Variants in TAFA2 observed in about 807,000 individuals in gnomAD.
The protein encoded by TAFA2 is TAFA chemokine like family member 2.
TAFA2 carries 7 observed loss-of-function variants against 18.8 expected under a neutral mutation model. The ratio of observed to expected loss-of-function variants is 0.37; its 90% CI spans 0.21 to 0.70. The LOEUF is 0.70. Among genes scored for constraint, TAFA2 ranks in the 30% least tolerant of loss-of-function variants. The pLI is 0.53. For synonymous variants in TAFA2, 60 were observed against 54.2 expected, an observed-to-expected ratio of 1.11 and a Z score of -0.47; for missense variants, 122 against 158.1, an observed-to-expected ratio of 0.77 and a Z score of 1.23.
chr12:61,817,364 T>G (rs1453906516), intron 2 of TAFA2, among the ~76,000 whole-genome samples: 1 of 152,150 alleles, frequency 6.6e-6, no homozygotes, highest in Non-Finnish European at 1.5e-5. Context: ...ATAGTTATTA[T>G]TATTATAGTG....
intron 1 of TAFA2, among the ~76,000 whole-genome samples, chr12:62,023,052 A>AG (rs1881197505): frequency 6.6e-6 from 1 of 152,244 alleles, no homozygotes; most frequent in Non-Finnish European, 1.5e-5. Flanking sequence ...GGTAAGAGAG[A>AG]GAAAAAGACA....
chr12:62,041,094 T>A lies in TAFA2; in HGVS notation c.-2+150165A>T, dbSNP rs1881745274. Among the ~76,000 whole-genome samples, 3 of 152,306 alleles carry A rather than the reference T, an allele frequency of 2.0e-5. 1 individual carries two copies. The South Asian group carries it at 6.2e-4, about 32-fold the overall frequency. ...CTGATGAGGTAGGCAGTATCTATAT[T>A]GTTCATATCAGAAACTAAAGCTGAG... On this transcript the variant is annotated intron_variant, in intron 1 of 4. Coordinates refer to ENST00000416284, the MANE Select transcript of TAFA2 (RefSeq NM_178539.5).
chr12:61,755,429 G>A (rs922369416), intron 2 of TAFA2, among the ~76,000 whole-genome samples: 1 of 152,102 alleles, frequency 6.6e-6, no homozygotes, highest in African/African-American at 2.4e-5. Flanking sequence ...CTCAAAGTGG[G>A]TGGTTGCTGA....
intron 1 of TAFA2, among the ~76,000 whole-genome samples, chr12:62,213,972 G>T (rs1216480268): frequency 6.6e-6 from 1 of 152,144 alleles, no homozygotes. Context: ...ATCGAATCAA[G>T]TTCCCAGTTT....
At chr12:61,827,010 C>T (rs1872557474) in intron 2 of TAFA2, 1 of 151,986 alleles carries the variant, frequency 6.6e-6, no homozygotes, top group Non-Finnish European at 1.5e-5. Flanking sequence ...TAGAACTTCC[C>T]AATCTTTAGC....
intron 1 of TAFA2, among the ~76,000 whole-genome samples, chr12:61,907,198 G>A (rs1331981176): frequency 6.6e-6 from 1 of 152,224 alleles, no homozygotes; most frequent in Non-Finnish European, 1.5e-5. Context: ...ATGTCTCCGG[G>A]ACATGTCAGA....
chr12:61,823,540 G>A (rs1872408967), intron 2 of TAFA2, among the ~76,000 whole-genome samples: 1 of 152,094 alleles, frequency 6.6e-6, no homozygotes, highest in Admixed American at 6.6e-5. Context: ...TCTCGGCATT[G>A]CTGTTTGCAA....
At chr12:61,971,007 G>GA (rs997589387) in intron 1 of TAFA2, among the ~76,000 whole-genome samples, 2 of 151,538 alleles carry the variant, frequency 1.3e-5, no homozygotes, top group African/African-American at 2.4e-5. Flanking sequence ...TGAAGATTGA[G>GA]AAAAAAGTTA....
At chr12:61,896,393 C>G (rs1265664151) in intron 1 of TAFA2, among the ~76,000 whole-genome samples, 1 of 152,162 alleles carries the variant, frequency 6.6e-6, no homozygotes, top group Non-Finnish European at 1.5e-5. Flanking sequence ...TAATAATCTA[C>G]CAAACTCCAC....
At chr12:61,939,583 G>A (rs537821600) in intron 1 of TAFA2, among the ~76,000 whole-genome samples, 21 of 152,224 alleles carry the variant, frequency 1.4e-4, no homozygotes, top group African/African-American at 3.4e-4. Context: ...TTCAAATTCC[G>A]CATCTATAAA....
At chr12:62,128,673 T>C (rs1870562490) in intron 1 of TAFA2, among the ~76,000 whole-genome samples, 1 of 152,048 alleles carries the variant, frequency 6.6e-6, no homozygotes, top group Non-Finnish European at 1.5e-5. Flanking sequence ...CTATTCATAA[T>C]TCATGTTTAT....
At chr12:62,075,707 T>C (rs1386151603) in intron 1 of TAFA2, among the ~76,000 whole-genome samples, 1 of 152,214 alleles carries the variant, frequency 6.6e-6, no homozygotes, top group Non-Finnish European at 1.5e-5. Flanking sequence ...CACACATATA[T>C]ATTGTTTTAT....
At chr12:62,073,604 C>T (rs1882689879) in intron 1 of TAFA2, among the ~76,000 whole-genome samples, 1 of 151,990 alleles carries the variant, frequency 6.6e-6, no homozygotes, top group African/African-American at 2.4e-5. Context: ...GTTCAGAAAT[C>T]TCATGTTCAG....
intron 1 of TAFA2, among the ~76,000 whole-genome samples, chr12:62,047,888 A>T (rs1881951232): frequency 6.6e-6 from 1 of 152,206 alleles, no homozygotes; most frequent in South Asian, 2.1e-4. Flanking sequence ...GAACCTCTTC[A>T]CAAGTTCTAG....
At chr12:61,940,668 TC>T (rs1405092895) in intron 1 of TAFA2, among the ~76,000 whole-genome samples, 2 of 152,190 alleles carry the variant, frequency 1.3e-5, no homozygotes, top group Non-Finnish European at 2.9e-5. Context: ...AGAATGGGCA[TC>T]CTTTTCTCAT....
chr12:62,159,473 A>T lies in TAFA2; in HGVS notation c.-2+31786T>A, dbSNP rs1218724765. On this transcript the variant is annotated intron_variant, in intron 1 of 4. Coordinates refer to ENST00000416284, the MANE Select transcript of TAFA2 (RefSeq NM_178539.5). The stretch of plus-strand genomic sequence containing the variant: ...ACAACTCAGGAAGAAACATTCTAAA[A>T]GGAACAGACTGTTCCTTTGAGTGTC... Among the ~76,000 whole-genome samples, 5 of 152,354 alleles carry T rather than the reference A, an allele frequency of 3.3e-5. No homozygotes were observed. In the East Asian group the frequency reaches 9.6e-4, roughly 29 times the overall value.
At position 61,741,327 on chromosome 12, in the gene TAFA2, G is replaced by A. The variant is rs186887543; in HGVS notation, c.384+12295C>T. ...GTATGTGTCTCCATCTCTCTTGCATGTGTGTGTATATATATTTACATGCAT... is the reference window on the plus strand; with the variant it reads ...GTATGTGTCTCCATCTCTCTTGCATATGTGTGTATATATATTTACATGCAT... On this transcript the variant is annotated intron_variant, in intron 4 of 4. Transcript: ENST00000416284. 2.1e-4 allele frequency among the ~76,000 whole-genome samples: 32 copies of A among 151,542 alleles called. No individual in the cohort carries two copies. The East Asian group carries it at 5.8e-3, about 28-fold the overall frequency.
chr12:61,755,268 G>T (rs1307325346), intron 2 of TAFA2, among the ~76,000 whole-genome samples: 1 of 152,128 alleles, frequency 6.6e-6, no homozygotes, highest in African/African-American at 2.4e-5. Flanking sequence ...AGAATAAGCT[G>T]TTAAAAGTCT....
rs1869862562 is a variant in TAFA2 at position 61,720,871 on chromosome 12, G to C, written c.385-10454C>G. On this transcript the variant is annotated intron_variant, in intron 4 of 4. Transcript: ENST00000416284. The stretch of plus-strand genomic sequence containing the variant: ...TCAAAAATTGTCATCAGGCACAGCA[G>C]AAACCTTCTCTTTCTACTTCTCCAT... 3 of 514,626 alleles carry C rather than the reference G, an allele frequency of 5.8e-6. No individual in the cohort carries two copies. The Admixed American group carries it at 5.9e-5, about 10-fold the overall frequency. 31.9% of individuals were successfully genotyped at this position (514,626 alleles called of 1,614,324 possible).
Sources: gnomAD v4.1 joint callset for allele counts (sites outside exome capture counted in the v4.1 genomes callset) on GRCh38, gnomAD v4.1.1 for gene constraint, MANE v1.5 for transcripts, NCBI Gene and HGNC (gene_info 2026-07-23, HGNC 2026-07-21) for gene names.